The following ASPH variants were observed in gnomAD, a reference collection of about 807,000 sequenced individuals.
ASPH encodes the protein aspartyl/asparaginyl beta-hydroxylase.
A neutral mutation model predicts 118.4 loss-of-function variants in ASPH; 100 were observed. That is an observed-to-expected ratio of 0.84 (90% CI 0.72 to 1.00). The LOEUF (loss-of-function observed/expected upper bound fraction) is 1.00, where lower values mean the gene tolerates loss of function less well. ASPH is among the 50% of genes least tolerant of loss of function. The probability of loss-of-function intolerance (pLI) is 0.00; values close to 1 mark genes in which losing one functional copy is unlikely to be tolerated. For missense variants in ASPH, 920 were observed against 919.5 expected, an observed-to-expected ratio of 1.00 and a Z score of -0.01; for synonymous variants, 315 against 325.6, an observed-to-expected ratio of 0.97 and a Z score of 0.35.
chr8:61,548,330 G>A (rs553280104), intron 20 of ASPH, 122 bp from the exon 21 acceptor site: 3 of 1,162,802 alleles, frequency 2.6e-6, no homozygotes, highest in Non-Finnish European at 3.5e-6. Flanking sequence ...AGAGCTTACT[G>A]CTAGGTACTC....
chr8:61,702,035 C>A (rs1363928849), intron 1 of ASPH, among the ~76,000 whole-genome samples: 1 of 152,144 alleles, frequency 6.6e-6, no homozygotes, highest in Non-Finnish European at 1.5e-5. Flanking sequence ...CCATACACAA[C>A]TTTTTGCCAG....
intron 14 of ASPH, among the ~76,000 whole-genome samples, chr8:61,590,030 G>GT (rs900951914): frequency 6.6e-6 from 1 of 151,950 alleles, no homozygotes; most frequent in South Asian, 2.1e-4. Flanking sequence ...TTATTGTTAG[G>GT]TTTTTTTGTT....
At chr8:61,671,762 C>A (rs1055750108) in intron 3 of ASPH, among the ~76,000 whole-genome samples, 1 of 152,212 alleles carries the variant, frequency 6.6e-6, no homozygotes, top group Non-Finnish European at 1.5e-5. Context: ...GCTATTTTGG[C>A]AACTGCCTCA....
intron 14 of ASPH, among the ~76,000 whole-genome samples, chr8:61,610,935 A>G (rs1049872403): frequency 6.6e-6 from 1 of 152,208 alleles, no homozygotes; most frequent in Non-Finnish European, 1.5e-5. Context: ...ATGTGCATCA[A>G]TGGAATGGAC....
At chr8:61,607,380 T>C (rs1327907336) in intron 14 of ASPH, 4 of 647,264 alleles carry the variant, frequency 6.2e-6, no homozygotes, top group South Asian at 3.3e-5. Flanking sequence ...CGTTCATCCA[T>C]ACACGCTGAC....
rs1418022577 is a variant in ASPH, at chr8:61,700,749, G to A, written c.103+13520C>T. Among the ~76,000 whole-genome samples, 11 of 152,144 alleles carry A rather than the reference G, an allele frequency of 7.2e-5. No individual in the cohort carries two copies. In the East Asian group the frequency reaches 1.9e-3, roughly 27 times the overall value. On this transcript the variant is annotated intron_variant, in intron 1 of 24. Transcript: ENST00000379454. ...AAAGGATTCATAACACTTAGATTCC[G>A]CTACAATATTAACATGGTATTATAT...
chr8:61,603,191 C>CAAAAAAA (rs11336705), intron 14 of ASPH, among the ~76,000 whole-genome samples: 9 of 61,344 alleles, frequency 1.5e-4, no homozygotes, highest in African/African-American at 2.9e-4. Flanking sequence ...AGACTTGTCT[C>CAAAAAAA]AAAAAAAAAA....
chr8:61,537,231 T>G (rs1819967892), intron 21 of ASPH, among the ~76,000 whole-genome samples: 1 of 152,158 alleles, frequency 6.6e-6, no homozygotes, highest in Non-Finnish European at 1.5e-5. Flanking sequence ...CTGGAAACAG[T>G]GCACTAAGGG....
chr8:61,536,356 A>AT (rs986019707), intron 21 of ASPH, among the ~76,000 whole-genome samples: 16 of 152,154 alleles, frequency 1.1e-4, no homozygotes, highest in African/African-American at 3.6e-4. Flanking sequence ...GACATTTCTT[A>AT]TTGTGGAAAT....
In ASPH at chr8:61,695,350, G is replaced by C. The variant is rs6996889; in HGVS notation, c.104-11162C>G. On this transcript the variant is annotated intron_variant, in intron 1 of 24. Coordinates refer to ENST00000379454, the MANE Select transcript of ASPH (RefSeq NM_004318.4). ...CATCTTCCATGTGGCCTACAAGGAA[G>C]GCTCCATGTGATGGGGCCCCAGCCC... is the stretch of plus-strand genomic sequence containing the variant. Among the ~76,000 whole-genome samples, 959 of 152,268 alleles carry C rather than the reference G, an allele frequency of 6.3e-3. 13 individuals carry two copies. Among genetic ancestry groups the C allele is most frequent in the African/African-American group, 0.022 (902 of 41,526 alleles).
intron 13 of ASPH, chr8:61,625,040 A>C (rs2150592646): frequency 1.0e-6 from 1 of 985,770 alleles, no homozygotes; most frequent in East Asian, 1.1e-4. Context: ...AGCAGGGGGA[A>C]AAAGTCACCT....
intron 12 of ASPH, among the ~76,000 whole-genome samples, chr8:61,635,903 T>C (rs1230227357): frequency 2.0e-5 from 3 of 152,190 alleles, no homozygotes; most frequent in Non-Finnish European, 2.9e-5. Flanking sequence ...CTAGTGAAAG[T>C]AATTCACTTT....
chr8:61,606,404 T>C (rs1283095900), intron 14 of ASPH: 1 of 152,212 alleles, frequency 6.6e-6, no homozygotes. Context: ...AACACAACTT[T>C]ATCAAACCTT....
At chr8:61,510,968 C>T (rs1808614199) in intron 24 of ASPH, among the ~76,000 whole-genome samples, 2 of 151,986 alleles carry the variant, frequency 1.3e-5, no homozygotes, top group Admixed American at 6.6e-5. Flanking sequence ...ATATTTGGCT[C>T]TAAATGATTT....
intron 14 of ASPH, among the ~76,000 whole-genome samples, chr8:61,593,294 G>A (rs756896041): frequency 6.6e-6 from 1 of 152,098 alleles, no homozygotes. Context: ...TCTCTAACAC[G>A]ATCTACTCTA....
At chr8:61,690,031 T>A (rs536684258) in intron 1 of ASPH, among the ~76,000 whole-genome samples, 34 of 152,134 alleles carry the variant, frequency 2.2e-4, no homozygotes, top group African/African-American at 6.7e-4. Flanking sequence ...TGAAAAAAAA[T>A]GAAATGGAAC....
intron 17 of ASPH, among the ~76,000 whole-genome samples, chr8:61,563,281 G>A (rs1830593947): frequency 6.6e-6 from 1 of 151,816 alleles, no homozygotes; most frequent in Admixed American, 6.6e-5. Context: ...CTAACTTCAG[G>A]GTCTAGCACC....
intron 15 of ASPH, among the ~76,000 whole-genome samples, chr8:61,577,773 A>T (rs1434956902): frequency 6.6e-6 from 1 of 152,180 alleles, no homozygotes; most frequent in African/African-American, 2.4e-5. Flanking sequence ...TGAGAACGGC[A>T]TGGGGGAAAC....
intron 1 of ASPH, among the ~76,000 whole-genome samples, chr8:61,707,275 C>T (rs1836926768): frequency 6.6e-6 from 1 of 150,780 alleles, no homozygotes; most frequent in South Asian, 2.1e-4. Context: ...ACTACAAATA[C>T]AAAACAAAAA....
Sources: allele counts gnomAD v4.1 joint callset (sites outside exome capture counted in the v4.1 genomes callset), GRCh38; gene constraint gnomAD v4.1.1; transcripts MANE v1.5; gene names NCBI Gene and HGNC (gene_info 2026-07-23, HGNC 2026-07-21).